Variants in ITPR1 observed in about 807,000 individuals in gnomAD.
ITPR1 encodes the protein inositol 1,4,5-trisphosphate receptor type 1, also known as inositol 1,4,5-trisphosphate-gated calcium channel ITPR1.
Under a neutral mutation model 318.4 loss-of-function variants are expected in ITPR1, and 96 were observed. The ratio of observed to expected loss-of-function variants is 0.30; its 90% CI spans 0.26 to 0.36. ITPR1 has a LOEUF of 0.36. Among genes scored for constraint, ITPR1 ranks in the 10% least tolerant of loss-of-function variants. ITPR1 has a pLI of 1.00. For synonymous variants in ITPR1, 1,312 were observed against 1,289.9 expected (o/e 1.02, Z -0.37); for missense variants, 2,440 against 3,460.2 (o/e 0.71, Z 7.40).
chr3:4,553,933 AT>A (rs536510686), intron 4 of ITPR1, among the ~76,000 whole-genome samples: 72 of 151,834 alleles, frequency 4.7e-4, no homozygotes, highest in African/African-American at 1.6e-3. Context: ...TAGAGACAGG[AT>A]TTTGCCATGT....
chr3:4,676,588 C>T (rs769731321), intron 23 of ITPR1, 26 bp from the exon 24 acceptor site: 3 of 1,592,972 alleles, frequency 1.9e-6, no homozygotes, highest in Non-Finnish European at 2.6e-6. Flanking sequence ...GACATTGTGA[C>T]CGTGGTCTCT....
At chr3:4,596,593 G>A (rs2125075096) in intron 4 of ITPR1, among the ~76,000 whole-genome samples, 2 of 152,296 alleles carry the variant, frequency 1.3e-5, no homozygotes, top group African/African-American at 2.4e-5. Context: ...GGTATAAAGT[G>A]TCACCTTTTT....
intron 61 of ITPR1, among the ~76,000 whole-genome samples, chr3:4,842,741 G>A (rs192590189): frequency 1.3e-5 from 2 of 152,172 alleles, no homozygotes; most frequent in African/African-American, 4.8e-5. Context: ...TTTGAATACA[G>A]TTACCATAGA....
chr3:4,670,748 G>A lies in ITPR1; in HGVS notation c.2026G>A (p.Glu676Lys). The change falls in exon 20 of 62, where the codon GAA becomes AAA. Residue 676 changes from glutamate (E) to lysine (K), a missense_variant. Glu to Lys is a moderately conservative substitution (Grantham distance 56, BLOSUM62 1). This residue lies in a region of ITPR1 where 478 missense variants were observed against 696.3 expected (regional missense o/e 0.69). Coordinates refer to ENST00000649015, the MANE Select transcript of ITPR1 (RefSeq NM_001378452.1). ...TTCTAGGTTGGTTCTTTCTCGTTTT[G>A]AATTTGAAGGTGTCTCTTCCACTGG... ...IETKLVLSRF[E>K]FEGVSSTGEN... is the part of the protein sequence containing the mutation. 6.3e-7 allele frequency: 1 copy of A among 1,595,376 alleles called. No homozygotes were observed. The highest frequency in any genetic ancestry group is 8.5e-7 in the Non-Finnish European group (1 of 1,170,120).
At chr3:4,795,540 A>C (rs535198290) in intron 53 of ITPR1, among the ~76,000 whole-genome samples, 96 of 152,314 alleles carry the variant, frequency 6.3e-4, no homozygotes, top group African/African-American at 2.2e-3. Context: ...GGCAGAGCTA[A>C]CCCTAAAACG....
chr3:4,516,642 T>A, intron 3 of ITPR1, 59 bp downstream of exon 3: 1 of 1,025,102 alleles, frequency 9.8e-7, no homozygotes, highest in Non-Finnish European at 1.5e-6. Context: ...AACATCAGCT[T>A]AAAACTGTGA....
At chr3:4,780,025 C>T (rs572355692) in intron 49 of ITPR1, among the ~76,000 whole-genome samples, 36 of 152,058 alleles carry the variant, frequency 2.4e-4, no homozygotes, top group African/African-American at 8.0e-4. Flanking sequence ...AGTGTGGTTA[C>T]GGAACCTAGC....
At chr3:4,738,480 G>C (rs2043443186) in intron 44 of ITPR1, among the ~76,000 whole-genome samples, 1 of 152,200 alleles carries the variant, frequency 6.6e-6, no homozygotes, top group Non-Finnish European at 1.5e-5. Context: ...ACGTGGAAGA[G>C]AAGTCAGAGG....
chr3:4,755,308 G>C (rs2044877902), intron 44 of ITPR1, among the ~76,000 whole-genome samples: 1 of 151,758 alleles, frequency 6.6e-6, no homozygotes, highest in African/African-American at 2.4e-5. Context: ...AGCTTTCCCA[G>C]TAAGTCCCAG....
rs569778897 is a variant in ITPR1 at position 4,497,604 on chromosome 3, C to T, written c.-17+3098C>T. On this transcript the variant is annotated intron_variant, in intron 2 of 61. Coordinates refer to ENST00000649015, the MANE Select transcript of ITPR1 (RefSeq NM_001378452.1). ...AGAAATTAGATCCCTTGTGCATTGC[C>T]GGTGGGAATGTAAAATGGTGAAGCT... 1.1e-4 allele frequency among the ~76,000 whole-genome samples: 17 copies of T among 152,120 alleles called. No homozygotes were observed. The South Asian group carries it at 2.9e-3, about 26-fold the overall frequency.
intron 52 of ITPR1, among the ~76,000 whole-genome samples, chr3:4,792,322 A>AG (rs568699291): frequency 1.8e-3 from 271 of 152,332 alleles, no homozygotes; most frequent in Non-Finnish European, 3.0e-3. Flanking sequence ...AACATGTTGG[A>AG]GGGGGGCACG....
rs567557826 is a variant in ITPR1 at position 4,527,153 on chromosome 3, C to CT, written c.163+6059_163+6060insT. 1.2e-4 allele frequency among the ~76,000 whole-genome samples: 18 copies of CT among 152,228 alleles called. No individual in the cohort carries two copies. In the East Asian group the frequency reaches 3.5e-3, roughly 29 times the overall value. ...GAGTGTCGTAGCCAGAGCCCTCTTC[C>CT]AAAGGCTGGGCCCAGTGCTTTTCTT... On this transcript the variant is annotated intron_variant, in intron 4 of 61. Transcript: ENST00000649015.
At chr3:4,719,541 G>A (rs1046053902) in intron 40 of ITPR1, among the ~76,000 whole-genome samples, 1 of 152,222 alleles carries the variant, frequency 6.6e-6, no homozygotes, top group East Asian at 1.9e-4. Context: ...CATCTGAACT[G>A]CGTACCCATG....
At chr3:4,712,791 T>A (rs1224949540) in intron 39 of ITPR1, among the ~76,000 whole-genome samples, 1 of 152,256 alleles carries the variant, frequency 6.6e-6, no homozygotes, top group Non-Finnish European at 1.5e-5. Context: ...CTAGTGAGAC[T>A]CCTTGGATAA....
chr3:4,518,444 C>T (rs2082318608), intron 3 of ITPR1, among the ~76,000 whole-genome samples: 1 of 152,154 alleles, frequency 6.6e-6, no homozygotes, highest in Admixed American at 6.5e-5. Flanking sequence ...GTTGCTAATA[C>T]TTTCTTGAGA....
At chr3:4,497,037 C>T (rs2080638398) in intron 2 of ITPR1, among the ~76,000 whole-genome samples, 1 of 145,402 alleles carries the variant, frequency 6.9e-6, no homozygotes, top group African/African-American at 2.6e-5. Context: ...TGCAGGCTGT[C>T]TGTTAACCAG....
At chr3:4,571,178 A>G (rs556270904) in intron 4 of ITPR1, among the ~76,000 whole-genome samples, 6 of 152,210 alleles carry the variant, frequency 3.9e-5, no homozygotes, top group Non-Finnish European at 7.3e-5. Context: ...CTGCCCACCT[A>G]TGGTAAATTG....
At chr3:4,664,464 T>A (rs1008463531) in intron 16 of ITPR1, among the ~76,000 whole-genome samples, 1 of 152,242 alleles carries the variant, frequency 6.6e-6, no homozygotes, top group Non-Finnish European at 1.5e-5. Flanking sequence ...CTGGTCCCCA[T>A]GGAACAAGGG....
chr3:4,729,861 A>G (rs1365912566), intron 42 of ITPR1, among the ~76,000 whole-genome samples: 1 of 151,882 alleles, frequency 6.6e-6, no homozygotes, highest in Non-Finnish European at 1.5e-5. Flanking sequence ...AAAAACTGGT[A>G]TTATTTTTAA....
Sources: allele counts gnomAD v4.1 joint callset (sites outside exome capture counted in the v4.1 genomes callset), GRCh38; gene constraint gnomAD v4.1.1; regional missense constraint gnomAD v4.1.1; transcripts MANE v1.5; gene names NCBI Gene and HGNC (gene_info 2026-07-23, HGNC 2026-07-21).